Variants in PPP2R2B observed in about 807,000 individuals in gnomAD.
The protein encoded by PPP2R2B is protein phosphatase 2 regulatory subunit Bbeta, also known as serine/threonine-protein phosphatase 2A 55 kDa regulatory subunit B beta isoform.
PPP2R2B carries 5 observed loss-of-function variants against 46.0 expected under a neutral mutation model. That is an observed-to-expected ratio of 0.11 (90% confidence interval 0.06 to 0.23). The LOEUF (loss-of-function observed/expected upper bound fraction) is 0.23, where lower values mean the gene tolerates loss of function less well. PPP2R2B is among the 10% of genes least tolerant of loss of function. The pLI, the probability that PPP2R2B is intolerant of heterozygous loss-of-function variation, is 1.00. For missense variants in PPP2R2B, 367 were observed against 575.0 expected (o/e 0.64, Z 3.70); for synonymous variants, 215 against 206.7 (o/e 1.04, Z -0.34).
At position 146,981,830 on chromosome 5, in the gene PPP2R2B, A is replaced by T. The variant is rs188774787; in HGVS notation, c.79+73835T>A. On this transcript the variant is annotated intron_variant, in intron 1 of 8. Transcript: ENST00000336640. ...CTTTGCAAGAATGTTATATAAATGG[A>T]ATTGAGAGATACAATATACAAACTG... is the stretch of plus-strand genomic sequence containing the variant. Among the ~76,000 whole-genome samples the T allele has an allele frequency of 8.5e-5, 13 of 152,264 alleles. No homozygotes were observed. The East Asian group carries it at 2.1e-3, about 25-fold the overall frequency.
intron 7 of PPP2R2B, among the ~76,000 whole-genome samples, chr5:146,604,330 G>A (rs1308242468): frequency 6.6e-6 from 1 of 152,224 alleles, no homozygotes; most frequent in Non-Finnish European, 1.5e-5. Context: ...ACAGTATCTG[G>A]TGCCTGAGTG....
chr5:147,051,202 G>A (rs181094048), intron 1 of PPP2R2B, among the ~76,000 whole-genome samples: 2 of 152,258 alleles, frequency 1.3e-5, no homozygotes, highest in Admixed American at 6.5e-5. Context: ...TACCAATTTC[G>A]GATTCAGAGA....
chr5:146,907,944 C>T (rs1175722319), intron 1 of PPP2R2B, among the ~76,000 whole-genome samples: 1 of 152,138 alleles, frequency 6.6e-6, no homozygotes, highest in African/African-American at 2.4e-5. Context: ...GAAGGAAAAA[C>T]CATGTTGTTC....
At chr5:146,750,214 TA>T (rs1649554591) in intron 2 of PPP2R2B, among the ~76,000 whole-genome samples, 1 of 152,226 alleles carries the variant, frequency 6.6e-6, no homozygotes, top group South Asian at 2.1e-4. Context: ...TAATAAATCT[TA>T]AAATCAAGGA....
intron 2 of PPP2R2B, among the ~76,000 whole-genome samples, chr5:147,077,511 G>T (rs1757825358): frequency 6.6e-6 from 1 of 152,082 alleles, no homozygotes; most frequent in Non-Finnish European, 1.5e-5. Context: ...TATTGACTTT[G>T]AGCGTATAGA....
At chr5:146,923,244 T>C (rs1763670235) in intron 1 of PPP2R2B, among the ~76,000 whole-genome samples, 1 of 152,160 alleles carries the variant, frequency 6.6e-6, no homozygotes, top group African/African-American at 2.4e-5. Flanking sequence ...CTCTTCTTTT[T>C]CCAGAAAAAC....
Position 146,940,979 on chromosome 5 carries a change from A to G in PPP2R2B, c.79+114686T>C, listed in dbSNP as rs1289680829. ...AGTGTTCAGACTTTAGTACTGGACT[A>G]GGACATTTGTCCACCGCTGGTGCAT... On this transcript the variant is annotated intron_variant, in intron 1 of 8. Transcript: ENST00000336640. 2.0e-5 allele frequency among the ~76,000 whole-genome samples: 3 copies of G among 152,340 alleles called. No individual in the cohort carries two copies. In the East Asian group the frequency reaches 5.8e-4, roughly 29 times the overall value.
intron 5 of PPP2R2B, among the ~76,000 whole-genome samples, chr5:146,658,743 C>T (rs1776502506): frequency 6.6e-6 from 1 of 152,150 alleles, no homozygotes; most frequent in Non-Finnish European, 1.5e-5. Flanking sequence ...CTGAATCTTA[C>T]CAAGGTGTAC....
In PPP2R2B at chr5:146,632,116, A is replaced by G. The variant is rs373076820; in HGVS notation, c.790+6135T>C. On this transcript the variant is annotated intron_variant, in intron 7 of 9. Coordinates refer to ENST00000394411, the MANE Select transcript of PPP2R2B (RefSeq NM_181675.4). ...GTCCTAACTCCCAGTACTGCAAAAT[A>G]TAACTGTATTTGGAGATAGAGCCTT... Among the ~76,000 whole-genome samples the G allele has an allele frequency of 5.9e-4, 81 of 137,356 alleles. No homozygotes were observed. In the South Asian group the frequency reaches 0.017, roughly 30 times the overall value. 90.1% of individuals were successfully genotyped at this position (137,356 alleles called of 152,430 possible). A position where few individuals can be genotyped will look rare whatever the true frequency, so the allele number is the denominator to read the frequency against.
In PPP2R2B at chr5:147,053,545, AACACAC is replaced by A. The variant is rs5872002; in HGVS notation, c.79+2114_79+2119del. Reference sequence around the variant, plus strand: ...GGGTGACACGATTGCCAACAATATAAACACACACACACACACACACACACACAACCT... The same window carrying A: ...GGGTGACACGATTGCCAACAATATAAACACACACACACACACACACAACCT... On this transcript the variant is annotated intron_variant, in intron 1 of 8. Transcript: ENST00000336640. Among the ~76,000 whole-genome samples, 39 of 148,638 alleles carry A rather than the reference AACACAC, an allele frequency of 2.6e-4. No homozygotes were observed. In the East Asian group the frequency reaches 3.6e-3, roughly 14 times the overall value.
chr5:146,980,668 A>G (rs1425157267), intron 1 of PPP2R2B, among the ~76,000 whole-genome samples: 3 of 152,128 alleles, frequency 2.0e-5, no homozygotes, highest in African/African-American at 7.2e-5. Flanking sequence ...TTTTTTATGT[A>G]TTCTAATTTT....
intron 2 of PPP2R2B, among the ~76,000 whole-genome samples, chr5:146,756,595 T>C (rs559779786): frequency 5.0e-4 from 76 of 152,358 alleles, no homozygotes; most frequent in African/African-American, 1.7e-3. Context: ...TGTCATTTTC[T>C]GGCTGCAAAG....
At chr5:146,997,418 A>T (rs1160223176) in intron 1 of PPP2R2B, among the ~76,000 whole-genome samples, 2 of 152,166 alleles carry the variant, frequency 1.3e-5, no homozygotes, top group Non-Finnish European at 2.9e-5. Flanking sequence ...CCAGGTAGAC[A>T]TTCTGTATAA....
At chr5:146,800,947 T>C (rs3062337) in intron 2 of PPP2R2B, among the ~76,000 whole-genome samples, 45 of 147,110 alleles carry the variant, frequency 3.1e-4, no homozygotes, top group South Asian at 2.2e-4. Context: ...CACACACACA[T>C]ATACACACAT....
At chr5:146,911,344 A>C (rs1763175748) in intron 1 of PPP2R2B, among the ~76,000 whole-genome samples, 1 of 152,172 alleles carries the variant, frequency 6.6e-6, no homozygotes, top group Non-Finnish European at 1.5e-5. Flanking sequence ...AGCCTCCCAA[A>C]GTGCTAGGAT....
intron 7 of PPP2R2B, among the ~76,000 whole-genome samples, chr5:146,622,903 T>C (rs1040797770): frequency 1.3e-5 from 2 of 152,240 alleles, no homozygotes; most frequent in African/African-American, 4.8e-5. Flanking sequence ...TCAGGAATAC[T>C]TCCAGGAGAA....
intron 7 of PPP2R2B, among the ~76,000 whole-genome samples, chr5:146,634,629 C>A (rs1218967951): frequency 6.6e-6 from 1 of 152,140 alleles, no homozygotes; most frequent in Admixed American, 6.5e-5. Flanking sequence ...GCCACTGAGG[C>A]CGGTCTCTGA....
chr5:146,732,267 T>C (rs1330449514), intron 2 of PPP2R2B, among the ~76,000 whole-genome samples: 1 of 152,398 alleles, frequency 6.6e-6, no homozygotes, highest in Admixed American at 6.5e-5. Context: ...ACAGCATTTC[T>C]AATGCACATA....
chr5:146,801,606 G>A (rs1756870108), intron 2 of PPP2R2B, among the ~76,000 whole-genome samples: 1 of 152,154 alleles, frequency 6.6e-6, no homozygotes, highest in African/African-American at 2.4e-5. Flanking sequence ...AGGCTGTGGG[G>A]TCAGGCCGCC....
Sources: allele counts gnomAD v4.1 joint callset (sites outside exome capture counted in the v4.1 genomes callset), GRCh38; gene constraint gnomAD v4.1.1; transcripts MANE v1.5; gene names NCBI Gene and HGNC (gene_info 2026-07-23, HGNC 2026-07-21).